Variants in CNTNAP5 observed in about 807,000 individuals in gnomAD.
CNTNAP5 encodes the protein contactin associated protein family member 5, also known as contactin-associated protein-like 5.
Under a neutral mutation model 150.2 loss-of-function variants are expected in CNTNAP5, and 72 were observed. The ratio of observed to expected loss-of-function variants is 0.48; its 90% CI spans 0.40 to 0.58. The LOEUF is 0.58. Ranked by LOEUF, CNTNAP5 falls within the 20% of genes least tolerant of loss-of-function variation. The probability of loss-of-function intolerance (pLI) is 0.00; values close to 1 mark genes in which losing one functional copy is unlikely to be tolerated. For missense variants in CNTNAP5, 1,636 were observed against 1,626.2 expected, an observed-to-expected ratio of 1.01 and a Z score of -0.10; for synonymous variants, 672 against 619.8, an observed-to-expected ratio of 1.08 and a Z score of -1.25.
chr2:124,262,918 T>C (rs1317360835), intron 3 of CNTNAP5, among the ~76,000 whole-genome samples: 2 of 151,528 alleles, frequency 1.3e-5, no homozygotes, highest in African/African-American at 2.4e-5. Context: ...TTTGTCCTTG[T>C]GATAGTTTGC....
intron 16 of CNTNAP5, among the ~76,000 whole-genome samples, chr2:124,769,180 G>A (rs919159364): frequency 9.2e-5 from 14 of 152,204 alleles, no homozygotes; most frequent in African/African-American, 3.1e-4. Context: ...TTCTCTAATG[G>A]GCTTGGTGGT....
chr2:124,167,577 A>C (rs1382897103), intron 1 of CNTNAP5, among the ~76,000 whole-genome samples: 1 of 152,124 alleles, frequency 6.6e-6, no homozygotes, highest in African/African-American at 2.4e-5. Flanking sequence ...ACTACCGTGT[A>C]CTCTCCCTAG....
At chr2:124,056,477 A>G (rs58601557) in intron 1 of CNTNAP5, among the ~76,000 whole-genome samples, 2 of 144,678 alleles carry the variant, frequency 1.4e-5, no homozygotes, top group African/African-American at 2.6e-5. Flanking sequence ...ACAAAAAAAA[A>G]GAAAAAAAGA....
chr2:124,207,670 A>G (rs1685895151), intron 1 of CNTNAP5, among the ~76,000 whole-genome samples: 1 of 152,170 alleles, frequency 6.6e-6, no homozygotes, highest in African/African-American at 2.4e-5. Context: ...CAGGGTTGTA[A>G]TTGCTTTCCG....
Position 124,479,555 on chromosome 2 carries a change from G to A in CNTNAP5, c.1062+4673G>A, listed in dbSNP as rs1412189944. Among the ~76,000 whole-genome samples, 2 of 152,178 alleles carry A rather than the reference G, an allele frequency of 1.3e-5. 1 individual carries two copies. Among genetic ancestry groups the A allele is most frequent in the Admixed American group, 1.3e-4 (2 of 15,270 alleles). ...AGACTCTACTTACAGAGTTGGCTTT[G>A]GAGCTAATTGACTATGTCAATTCAT... is the stretch of plus-strand genomic sequence containing the variant. On this transcript the variant is annotated intron_variant, in intron 7 of 23. Coordinates refer to ENST00000682447, the MANE Select transcript of CNTNAP5 (RefSeq NM_001367498.1).
intron 19 of CNTNAP5, among the ~76,000 whole-genome samples, chr2:124,806,057 T>C (rs1682074350): frequency 6.6e-6 from 1 of 152,228 alleles, no homozygotes; most frequent in Non-Finnish European, 1.5e-5. Flanking sequence ...ATACCTGCCA[T>C]GTGCTAGATG....
At chr2:124,709,659 T>C (rs978158291) in intron 13 of CNTNAP5, among the ~76,000 whole-genome samples, 2 of 152,168 alleles carry the variant, frequency 1.3e-5, no homozygotes. Flanking sequence ...AAAATTATTT[T>C]TATCCCCACT....
At chr2:124,533,613 C>G (rs994484784) in intron 10 of CNTNAP5, among the ~76,000 whole-genome samples, 1 of 152,156 alleles carries the variant, frequency 6.6e-6, no homozygotes, top group Non-Finnish European at 1.5e-5. Flanking sequence ...TTGCAGCTCC[C>G]TCAAAGTCCC....
intron 3 of CNTNAP5, among the ~76,000 whole-genome samples, chr2:124,352,080 G>A (rs1038712289): frequency 2.0e-5 from 3 of 151,900 alleles, no homozygotes; most frequent in South Asian, 2.1e-4. Context: ...TGGGGAACAC[G>A]AATGACCAGT....
At chr2:124,106,739 GT>G (rs1188420071) in intron 1 of CNTNAP5, among the ~76,000 whole-genome samples, 14 of 152,310 alleles carry the variant, frequency 9.2e-5, no homozygotes, top group East Asian at 7.7e-4. Flanking sequence ...CTGAGGAGGG[GT>G]TTGTGGAAAC....
At chr2:124,077,574 C>G (rs1439135) in intron 1 of CNTNAP5, among the ~76,000 whole-genome samples, 1 of 152,030 alleles carries the variant, frequency 6.6e-6, no homozygotes, top group East Asian at 1.9e-4. Context: ...GTGTTCACTA[C>G]AGGAAGCCTA....
intron 7 of CNTNAP5, among the ~76,000 whole-genome samples, chr2:124,489,344 C>T (rs1432086016): frequency 6.6e-6 from 1 of 152,144 alleles, no homozygotes; most frequent in Admixed American, 6.5e-5. Flanking sequence ...GTAGATGGCC[C>T]TCTTCTCCCT....
intron 1 of CNTNAP5, among the ~76,000 whole-genome samples, chr2:124,044,856 C>A (rs902841268): frequency 2.0e-5 from 3 of 150,624 alleles, no homozygotes; most frequent in African/African-American, 7.4e-5. Context: ...GTAATCCCAA[C>A]CCCGCCACAG....
At chr2:124,643,098 A>G (rs1475708248) in intron 12 of CNTNAP5, among the ~76,000 whole-genome samples, 2 of 152,204 alleles carry the variant, frequency 1.3e-5, no homozygotes, top group Non-Finnish European at 2.9e-5. Flanking sequence ...TATTTCACTT[A>G]GATAACTATT....
At chr2:124,757,708 C>T (rs1680869887) in intron 14 of CNTNAP5, among the ~76,000 whole-genome samples, 1 of 152,264 alleles carries the variant, frequency 6.6e-6, no homozygotes, top group Non-Finnish European at 1.5e-5. Flanking sequence ...ATGAGTGAAA[C>T]TCTACTTCAA....
intron 3 of CNTNAP5, among the ~76,000 whole-genome samples, chr2:124,370,650 A>G (rs938084172): frequency 3.2e-4 from 48 of 152,230 alleles, no homozygotes; most frequent in African/African-American, 1.1e-3. Flanking sequence ...CTGGTTATTG[A>G]TTTGAGATTT....
intron 1 of CNTNAP5, among the ~76,000 whole-genome samples, chr2:124,121,995 G>T (rs998673422): frequency 6.6e-6 from 1 of 152,138 alleles, no homozygotes; most frequent in Non-Finnish European, 1.5e-5. Context: ...CAGCTCTTTA[G>T]CAAGCATTCT....
intron 1 of CNTNAP5, among the ~76,000 whole-genome samples, chr2:124,054,680 A>G (rs982476884): frequency 6.6e-6 from 1 of 152,184 alleles, no homozygotes; most frequent in African/African-American, 2.4e-5. Context: ...GATCTTGGTA[A>G]CCCATGATTA....
intron 13 of CNTNAP5, among the ~76,000 whole-genome samples, chr2:124,671,053 G>T (rs1326886833): frequency 6.6e-6 from 1 of 152,138 alleles, no homozygotes; most frequent in Non-Finnish European, 1.5e-5. Flanking sequence ...ACTGGCAGGG[G>T]AGTTCAGCCT....
Sources: allele counts gnomAD v4.1 joint callset (sites outside exome capture counted in the v4.1 genomes callset), GRCh38; gene constraint gnomAD v4.1.1; transcripts MANE v1.5; gene names NCBI Gene and HGNC (gene_info 2026-07-23, HGNC 2026-07-21).